SLC17A6: variants seen among roughly 807,000 people sequenced by gnomAD.
SLC17A6 encodes the protein vesicular glutamate transporter 2.
Under a neutral mutation model 67.1 loss-of-function variants are expected in SLC17A6, and 35 were observed. That is an observed-to-expected ratio of 0.52 (90% CI 0.40 to 0.69). SLC17A6 has a LOEUF of 0.69. Ranked by LOEUF, SLC17A6 falls within the 30% of genes least tolerant of loss-of-function variation. SLC17A6 has a pLI of 0.00. For synonymous variants in SLC17A6, 285 were observed against 252.3 expected, an observed-to-expected ratio of 1.13 and a Z score of -1.23; for missense variants, 588 against 723.9, an observed-to-expected ratio of 0.81 and a Z score of 2.15.
At chr11:22,354,257 T>C (rs753128272) in intron 3 of SLC17A6, among the ~76,000 whole-genome samples, 1 of 152,064 alleles carries the variant, frequency 6.6e-6, no homozygotes, top group Non-Finnish European at 1.5e-5. Flanking sequence ...CTAATTTTTG[T>C]GTTTTTAGTA....
At chr11:22,359,279 G>GA in intron 3 of SLC17A6, 134 bp from the exon 4 acceptor site, 1 of 459,936 alleles carries the variant, frequency 2.2e-6, no homozygotes. Context: ...ACATATATTA[G>GA]AAAAAACAAT....
At chr11:22,346,689 G>A (rs1406778230) in intron 3 of SLC17A6, among the ~76,000 whole-genome samples, 2 of 151,780 alleles carry the variant, frequency 1.3e-5, no homozygotes, top group East Asian at 3.9e-4. Context: ...AAATAATACA[G>A]GACATCGGCT....
At chr11:22,345,932 G>A (rs1292301572) in intron 3 of SLC17A6, among the ~76,000 whole-genome samples, 3 of 152,112 alleles carry the variant, frequency 2.0e-5, no homozygotes, top group African/African-American at 4.8e-5. Context: ...TACCTTAGAA[G>A]ACTTTTAATA....
intron 3 of SLC17A6, among the ~76,000 whole-genome samples, chr11:22,349,091 A>C (rs2064390851): frequency 6.6e-6 from 1 of 152,240 alleles, no homozygotes; most frequent in African/African-American, 2.4e-5. Context: ...TGGTCTGTCT[A>C]TGTAATATTT....
chr11:22,342,838 T>TGGAAGTCACTACACTA, intron 2 of SLC17A6: 1 of 392,518 alleles, frequency 2.5e-6, no homozygotes, highest in South Asian at 1.9e-5. Context: ...TCTCCAGGGT[T>TGGAAGTCACTACACTA]GGAAGTCACT....
intron 7 of SLC17A6, among the ~76,000 whole-genome samples, chr11:22,366,733 G>A (rs956233823): frequency 4.6e-5 from 7 of 152,056 alleles, no homozygotes; most frequent in African/African-American, 7.2e-5. Flanking sequence ...GGCTGGGCAC[G>A]GTGGCTCACG....
intron 7 of SLC17A6, among the ~76,000 whole-genome samples, chr11:22,367,979 A>G (rs971926535): frequency 1.3e-5 from 2 of 152,194 alleles, no homozygotes; most frequent in African/African-American, 4.8e-5. Context: ...AGCAAAGGAG[A>G]AAGAGTACTG....
At chr11:22,338,720 C>T (rs1283741214) in intron 1 of SLC17A6, 101 bp downstream of exon 1, 8 of 861,124 alleles carry the variant, frequency 9.3e-6, no homozygotes, top group East Asian at 7.7e-5. Flanking sequence ...GTAATATGAT[C>T]GGAAAGTCTT....
chr11:22,362,567 G>A (rs1374298583), intron 5 of SLC17A6, among the ~76,000 whole-genome samples, 172 bp from the exon 6 acceptor site: 1 of 152,154 alleles, frequency 6.6e-6, no homozygotes, highest in East Asian at 1.9e-4. Context: ...CCGTGTTCCT[G>A]TGTACGTATG....
intron 1 of SLC17A6, among the ~76,000 whole-genome samples, 193 bp downstream of exon 1, chr11:22,338,812 GGTGTGTGTGTGTGTGT>G (rs3047441): frequency 1.1e-4 from 15 of 136,244 alleles, no homozygotes; most frequent in Non-Finnish European, 1.9e-4. Context: ...GAACCTGTCT[GGTGTGTGTGTGTGTGT>G]GTGTGTGTGT....
chr11:22,343,609 A>G (rs549006521), intron 3 of SLC17A6, among the ~76,000 whole-genome samples: 1 of 152,242 alleles, frequency 6.6e-6, no homozygotes, highest in South Asian at 2.1e-4. Context: ...GCTGTGGCTG[A>G]ACTTGCTTTT....
chr11:22,369,303 A>G (rs189170955), intron 7 of SLC17A6, among the ~76,000 whole-genome samples: 3 of 151,988 alleles, frequency 2.0e-5, no homozygotes, highest in African/African-American at 7.2e-5. Flanking sequence ...AATTTTTTAA[A>G]GGGGTCATAT....
Position 22,377,425 on chromosome 11 carries a change from T to A in SLC17A6, c.1434T>A (p.Tyr478Ter). 1.2e-6 allele frequency: 2 copies of A among 1,610,608 alleles called. No individual in the cohort carries two copies. Residue 478 changes from tyrosine (Y) to a stop codon, truncating the protein, a stop_gained, in exon 12 of 12, where the codon TAT becomes TAA. Coordinates refer to ENST00000263160, the MANE Select transcript of SLC17A6 (RefSeq NM_020346.3). LOFTEE classifies it high-confidence loss of function. The part of the protein sequence containing the change: ...TKNKSREEWQ[Y>*]VFLIAALVHY... The stretch of plus-strand genomic sequence containing the variant: ...TGCAGTCACGTGAAGAGTGGCAGTA[T>A]GTCTTCCTGATCGCTGCCCTAGTCC...
intron 8 of SLC17A6, among the ~76,000 whole-genome samples, chr11:22,372,331 T>C (rs1856182864): frequency 6.6e-6 from 1 of 150,940 alleles, no homozygotes. Context: ...ATACAATATA[T>C]ATCAGGTAAA....
At chr11:22,356,560 C>T (rs2665695) in intron 3 of SLC17A6, among the ~76,000 whole-genome samples, 10,751 of 152,152 alleles carry the variant, frequency 0.071, 1,288 homozygotes, top group African/African-American at 0.24. Context: ...AGAGACCAGG[C>T]ATGGTGGCTC....
intron 9 of SLC17A6, among the ~76,000 whole-genome samples, chr11:22,375,549 C>T (rs538647011): frequency 3.9e-4 from 59 of 151,782 alleles, no homozygotes; most frequent in African/African-American, 1.3e-3. Context: ...GGCATGATCT[C>T]GGCTCACCAC....
chr11:22,378,142 C>A lies in SLC17A6; in HGVS notation c.*402C>A. On this transcript the variant is annotated 3_prime_UTR_variant, in exon 12 of 12. Coordinates refer to ENST00000263160, the MANE Select transcript of SLC17A6 (RefSeq NM_020346.3). ...TTTGTTACACTGTATTGCAAGATAG[C>A]ACACAGAAGTTGGCTGCGTCAAGTA... is the stretch of plus-strand genomic sequence containing the variant. 5.4e-6 allele frequency: 1 copy of A among 186,118 alleles called. No homozygotes were observed. Among genetic ancestry groups the A allele is most frequent in the Non-Finnish European group, 1.1e-5 (1 of 90,780 alleles). 11.5% of individuals were successfully genotyped at this position (186,118 alleles called of 1,614,324 possible).
At chr11:22,344,426 C>T (rs566956208) in intron 3 of SLC17A6, among the ~76,000 whole-genome samples, 2 of 152,308 alleles carry the variant, frequency 1.3e-5, no homozygotes, top group South Asian at 2.1e-4. Context: ...ATCCCTTTCA[C>T]TAGCGGTGTC....
intron 6 of SLC17A6, among the ~76,000 whole-genome samples, chr11:22,364,822 T>G (rs1279589444): frequency 6.6e-6 from 1 of 152,140 alleles, no homozygotes; most frequent in Admixed American, 6.5e-5. Flanking sequence ...GGACATGTTT[T>G]AATGGTAAGA....
Sources: gnomAD v4.1 joint callset for allele counts (sites outside exome capture counted in the v4.1 genomes callset) on GRCh38, gnomAD v4.1.1 for gene constraint, MANE v1.5 for transcripts, NCBI Gene and HGNC (gene_info 2026-07-23, HGNC 2026-07-21) for gene names.